Variants in GRIK5 observed in about 807,000 individuals in gnomAD.
The protein encoded by GRIK5 is glutamate ionotropic receptor kainate type subunit 5, also known as glutamate receptor ionotropic, kainate 5.
GRIK5 carries 43 observed loss-of-function variants against 97.4 expected under a neutral mutation model. The ratio of observed to expected loss-of-function variants is 0.44; its 90% confidence interval spans 0.35 to 0.57. The LOEUF is 0.57. Ranked by LOEUF, GRIK5 falls within the 20% of genes least tolerant of loss-of-function variation. GRIK5 has a pLI of 0.01. For missense variants in GRIK5, 1,015 were observed against 1,382.0 expected (o/e 0.73, Z 4.21); for synonymous variants, 580 against 583.5 (o/e 0.99, Z 0.09).
intron 8 of GRIK5, among the ~76,000 whole-genome samples, chr19:42,055,002 T>C (rs1389613425): frequency 2.6e-5 from 4 of 152,190 alleles, no homozygotes; most frequent in African/African-American, 9.6e-5. Flanking sequence ...CATTCTTTGA[T>C]AGGGCTAAGT....
intron 15 of GRIK5, among the ~76,000 whole-genome samples, chr19:42,010,867 G>A (rs1276231437): frequency 6.6e-6 from 1 of 152,088 alleles, no homozygotes; most frequent in Non-Finnish European, 1.5e-5. Context: ...GTGGAGAGGC[G>A]TGAACACAGC....
At chr19:42,029,087 G>T (rs1423158286) in intron 12 of GRIK5, among the ~76,000 whole-genome samples, 1 of 151,646 alleles carries the variant, frequency 6.6e-6, no homozygotes, top group Non-Finnish European at 1.5e-5. Context: ...TTTTTTTTTT[G>T]AGACAGAGTC....
In GRIK5 at chr19:42,022,634, AG is replaced by A; in HGVS notation, c.1474-281del. On this transcript the variant is annotated intron_variant, in intron 12 of 19. Transcript: ENST00000593562. The surrounding 1 kb of genome is among the most constrained non-coding windows in gnomAD (Gnocchi z 4.2). Reference sequence around the variant, plus strand: ...TCCCAGCATCAAGGGCTGGGGATGGAGGGGTTCCCCAAACTCCAATTCAAGC... The same window carrying A: ...TCCCAGCATCAAGGGCTGGGGATGGAGGGTTCCCCAAACTCCAATTCAAGC... 1.0e-6 allele frequency: 1 copy of A among 984,986 alleles called. No individual in the cohort carries two copies. The highest frequency in any genetic ancestry group is 1.2e-6 in the Non-Finnish European group (1 of 829,802). The allele number at this position is 984,986 out of a possible 1,614,324, so 61.0% of individuals were successfully genotyped here. A position where few individuals can be genotyped will look rare whatever the true frequency, so the allele number is the denominator to read the frequency against.
intron 12 of GRIK5, among the ~76,000 whole-genome samples, chr19:42,026,232 C>G (rs2075770283): frequency 6.6e-6 from 1 of 152,158 alleles, no homozygotes; most frequent in Non-Finnish European, 1.5e-5. Context: ...AAGTGATCCT[C>G]CTGCCTCAGC....
chr19:42,029,076 A>AT (rs912486275), intron 12 of GRIK5, among the ~76,000 whole-genome samples: 4 of 150,638 alleles, frequency 2.7e-5, no homozygotes, highest in Admixed American at 6.6e-5. Context: ...ACAAAAAAAA[A>AT]TTTTTTTTTT....
intron 12 of GRIK5, among the ~76,000 whole-genome samples, chr19:42,027,074 C>A (rs979898574): frequency 2.6e-5 from 4 of 152,174 alleles, no homozygotes; most frequent in African/African-American, 9.7e-5. Flanking sequence ...AGCCACACTG[C>A]CCTTTCCATT....
Position 41,998,799 on chromosome 19 carries a change from G to T in GRIK5, c.*72C>A, listed in dbSNP as rs1268196378. On this transcript the variant is annotated 3_prime_UTR_variant, in exon 20 of 20. Coordinates refer to ENST00000593562, the MANE Select transcript of GRIK5 (RefSeq NM_002088.5). ...CCTGTCCCGCGCCCGCTGCGGGAGC[G>T]GAGACTGCTGGGGCCTGGGGCGGGC... 4 of 772,554 alleles carry T rather than the reference G, an allele frequency of 5.2e-6. No homozygotes were observed. The African/African-American group carries it at 7.5e-5, about 15-fold the overall frequency. The allele number at this position is 772,554 out of a possible 1,614,324, so 47.9% of individuals were successfully genotyped here.
intron 12 of GRIK5, among the ~76,000 whole-genome samples, chr19:42,040,178 G>C (rs1371972531): frequency 6.6e-6 from 1 of 152,174 alleles, no homozygotes; most frequent in East Asian, 1.9e-4. Flanking sequence ...GTGCACAGCA[G>C]AGCTAAGCTT....
At chr19:42,034,710 A>C in intron 12 of GRIK5, among the ~76,000 whole-genome samples, 1 of 151,970 alleles carries the variant, frequency 6.6e-6, no homozygotes, top group Non-Finnish European at 1.5e-5. Flanking sequence ...CACCCCTTTT[A>C]GGTCTCTTCT....
At chr19:42,015,546 G>C (rs994766267) in intron 15 of GRIK5, among the ~76,000 whole-genome samples, 3 of 152,318 alleles carry the variant, frequency 2.0e-5, no homozygotes, top group Admixed American at 6.5e-5. Flanking sequence ...GCCTTGCTGC[G>C]TGACCTTGGA....
At chr19:42,069,112 C>T (rs1320887512) in intron 1 of GRIK5, 129 bp downstream of exon 1, 7 of 427,266 alleles carry the variant, frequency 1.6e-5, no homozygotes, top group Non-Finnish European at 2.9e-5. Context: ...CAGAGCAGGC[C>T]CCTAGTGGGG....
chr19:42,032,072 C>T (rs115914834), intron 12 of GRIK5, among the ~76,000 whole-genome samples: 102 of 152,184 alleles, frequency 6.7e-4, no homozygotes, highest in African/African-American at 2.4e-3. Context: ...GTGATGGCAC[C>T]ACAGCACTCC....
Position 42,029,046 on chromosome 19 carries a change from C to T in GRIK5, c.1474-6692G>A, listed in dbSNP as rs141109443. Among the ~76,000 whole-genome samples the T allele has an allele frequency of 6.6e-3, 1,004 of 152,208 alleles. 12 individuals are homozygous for T. The highest frequency in any genetic ancestry group is 0.023 in the African/African-American group (961 of 41,526). ...AGGAATTCAAGACTAGCCTGGGCAACACAGTGAGACCCCATCTCTACAAAA... is the reference window on the plus strand; with the variant it reads ...AGGAATTCAAGACTAGCCTGGGCAATACAGTGAGACCCCATCTCTACAAAA... On this transcript the variant is annotated intron_variant, in intron 12 of 19. Coordinates refer to ENST00000593562, the MANE Select transcript of GRIK5 (RefSeq NM_002088.5).
Position 42,006,587 on chromosome 19 carries a change from A to G in GRIK5, c.2037+58T>C. On this transcript the variant is annotated intron_variant, in intron 16 of 19. Coordinates refer to ENST00000593562, the MANE Select transcript of GRIK5 (RefSeq NM_002088.5). This position sits in a 1 kb window ranked among gnomAD's most constrained non-coding sequence, Gnocchi z 5.3. Reference sequence around the variant, plus strand: ...GGAGACCCTGCCCAGACCCATCCTGAGCTGCTTTGCATGGCAGGGATCCCA... The same window carrying G: ...GGAGACCCTGCCCAGACCCATCCTGGGCTGCTTTGCATGGCAGGGATCCCA... 1 of 1,497,172 alleles carries G rather than the reference A, an allele frequency of 6.7e-7. No individual in the cohort carries two copies. The highest frequency in any genetic ancestry group is 2.3e-5 in the East Asian group (1 of 44,132). The allele number at this position is 1,497,172 out of a possible 1,614,324, so 92.7% of individuals were successfully genotyped here.
intron 12 of GRIK5, among the ~76,000 whole-genome samples, chr19:42,035,154 T>C (rs2075886843): frequency 6.6e-6 from 1 of 151,938 alleles, no homozygotes; most frequent in South Asian, 2.1e-4. Flanking sequence ...AATTTTTTTG[T>C]ATTTTCAGTA....
intron 1 of GRIK5, among the ~76,000 whole-genome samples, chr19:42,067,936 G>C (rs1037124225): frequency 2.6e-5 from 4 of 152,198 alleles, no homozygotes; most frequent in Admixed American, 1.3e-4. Context: ...GTGGGCATAG[G>C]AGAGACATCA....
In GRIK5 at chr19:42,008,219, C is replaced by T. The variant is rs530110736; in HGVS notation, c.1872-1409G>A. ...TTTTAGTAGAGATGAGGTTTCACCA[C>T]GTTGGCAGGTTGGCCTTGAACTCCT... On this transcript the variant is annotated intron_variant, in intron 15 of 19. Coordinates refer to ENST00000593562, the MANE Select transcript of GRIK5 (RefSeq NM_002088.5). Among the ~76,000 whole-genome samples the T allele has an allele frequency of 6.6e-5, 10 of 152,196 alleles. No homozygotes were observed. In the East Asian group the frequency reaches 1.8e-3, roughly 27 times the overall value.
chr19:42,025,529 C>T (rs1288945044), intron 12 of GRIK5, among the ~76,000 whole-genome samples: 2 of 152,140 alleles, frequency 1.3e-5, no homozygotes, highest in Non-Finnish European at 2.9e-5. Context: ...CCACCTCTCC[C>T]TGACACTGCT....
At chr19:42,061,306 A>G (rs2076256545) in intron 5 of GRIK5, among the ~76,000 whole-genome samples, 1 of 152,128 alleles carries the variant, frequency 6.6e-6, no homozygotes, top group Admixed American at 6.5e-5. Flanking sequence ...GGCCTCCCAA[A>G]GTGCTGGGAT....
Sources: allele counts gnomAD v4.1 joint callset (sites outside exome capture counted in the v4.1 genomes callset), GRCh38; gene constraint gnomAD v4.1.1; non-coding constraint Gnocchi (gnomAD v3.1); transcripts MANE v1.5; gene names NCBI Gene and HGNC (gene_info 2026-07-23, HGNC 2026-07-21).